TM6SF2: variants seen among roughly 807,000 people sequenced by gnomAD.
The protein encoded by TM6SF2 is transmembrane 6 superfamily member 2.
A neutral mutation model predicts 41.0 loss-of-function variants in TM6SF2; 29 were observed. That is an observed-to-expected ratio of 0.71 (90% CI 0.53 to 0.96). TM6SF2 has a LOEUF of 0.96. TM6SF2 is among the 50% of genes least tolerant of loss of function. The probability of loss-of-function intolerance (pLI) is 0.00; values close to 1 mark genes in which losing one functional copy is unlikely to be tolerated. For synonymous variants in TM6SF2, 200 were observed against 209.1 expected (o/e 0.96, Z 0.37); for missense variants, 475 against 499.0 (o/e 0.95, Z 0.46).
At chr19:19,268,530 G>A (rs1388233437) in intron 6 of TM6SF2, 100 bp downstream of exon 6, 1 of 1,456,750 alleles carries the variant, frequency 6.9e-7, no homozygotes, top group Non-Finnish European at 9.1e-7. Flanking sequence ...TTGTGACAAA[G>A]GAGAACCTTC....
chr19:19,270,374 C>G lies in TM6SF2; in HGVS notation c.268G>C (p.Val90Leu), dbSNP rs377761139. 3.1e-6 allele frequency: 5 copies of G among 1,613,556 alleles called. No individual in the cohort carries two copies. The highest frequency in any genetic ancestry group is 4.2e-6 in the Non-Finnish European group (5 of 1,179,872). ...TTGGTGTAGAACTCCATGAAGCCCA[C>G]CACATAGCTGTCTTCCTGAAGAGCG... ...IIALQEDSYV[V>L]GFMEFYTKEG... is the part of the protein sequence containing the mutation. Residue 90 changes from valine (V) to leucine (L), a missense_variant, in exon 3 of 10, where the codon GTG becomes CTG. Physicochemically the swap from Val to Leu is conservative, Grantham distance 32. Around this residue, in one of 3 missense-constraint regions of TM6SF2, gnomAD observed 238 missense variants for 228.6 expected, o/e 1.04. Transcript: ENST00000389363.
At position 19,271,136 on chromosome 19, in the gene TM6SF2, G is replaced by A. The variant is rs757561160; in HGVS notation, c.96-11C>T. ...GCCACCCACAGGGGGCTGTGGAGAG[G>A]GAAGCCAAGTCAGGGAGGCCAGGCC... On this transcript the variant is annotated splice_polypyrimidine_tract_variant and intron_variant, in intron 1 of 9. Transcript: ENST00000389363. 1.4e-5 allele frequency: 22 copies of A among 1,612,152 alleles called. No homozygotes were observed. In the South Asian group the frequency reaches 2.4e-4, roughly 18 times the overall value.
Position 19,271,050 on chromosome 19 carries a change from G to A in TM6SF2, c.171C>T (p.Gly57=), listed in dbSNP as rs758792305. The change falls in exon 2 of 10, where the codon GGC becomes GGT. Residue 57 remains glycine, a synonymous_variant. Transcript: ENST00000389363. ...LFVAVYSLSH[G]EVSYDPLYAV... The stretch of plus-strand genomic sequence containing the variant: ...CATAGAGTGGGTCATAGGAGACCTC[G>A]CCATGGGACAAGCTGTAGACCGCCA... 19 of 1,614,028 alleles carry A rather than the reference G, an allele frequency of 1.2e-5. No homozygotes were observed. Among genetic ancestry groups the A allele is most frequent in the South Asian group, 2.2e-5 (2 of 91,090 alleles).
At chr19:19,264,942 GC>G in intron 9 of TM6SF2, 69 bp from the exon 10 acceptor site, 3 of 1,253,422 alleles carry the variant, frequency 2.4e-6, no homozygotes, top group Non-Finnish European at 3.2e-6. Context: ...ATCACCGACA[GC>G]CCCCCAGGTA....
chr19:19,270,732 T>G (rs2061020662), intron 2 of TM6SF2, among the ~76,000 whole-genome samples: 1 of 152,188 alleles, frequency 6.6e-6, no homozygotes, highest in Admixed American at 6.5e-5. Flanking sequence ...GCACCGTCCC[T>G]GCCCTCAGGA....
At chr19:19,268,201 C>A in intron 6 of TM6SF2, 114 bp from the exon 7 acceptor site, 21 of 670,376 alleles carry the variant, frequency 3.1e-5, no homozygotes, top group Non-Finnish European at 4.3e-5. Flanking sequence ...TCTTTTTTTT[C>A]TTTTTTCTTT....
chr19:19,268,860 G>A (rs2061012952), intron 5 of TM6SF2, 106 bp from the exon 6 acceptor site: 1 of 1,366,280 alleles, frequency 7.3e-7, no homozygotes, highest in East Asian at 3.1e-5. Context: ...CCAGGCTGGA[G>A]TGCAGTGATG....
At chr19:19,269,588 A>G in intron 5 of TM6SF2, 99 bp downstream of exon 5, 2 of 1,427,344 alleles carry the variant, frequency 1.4e-6, no homozygotes, top group Non-Finnish European at 1.9e-6. Context: ...GCCTCTGCAG[A>G]CATCAGGGAA....
At chr19:19,270,922 C>A (rs1206528577) in intron 2 of TM6SF2, 100 bp downstream of exon 2, 29 of 960,940 alleles carry the variant, frequency 3.0e-5, no homozygotes, top group Non-Finnish European at 4.2e-5. Flanking sequence ...TCTTAAAGGG[C>A]CCCCAGTCTG....
intron 1 of TM6SF2, 60 bp downstream of exon 1, chr19:19,273,061 T>TGGG: frequency 5.6e-5 from 17 of 305,448 alleles, no homozygotes; most frequent in Non-Finnish European, 9.1e-5. Context: ...CCTCCAGTCC[T>TGGG]CCCCGCCCCC....
chr19:19,268,486 G>A, intron 6 of TM6SF2, 144 bp downstream of exon 6: 1 of 1,256,290 alleles, frequency 8.0e-7, no homozygotes, highest in Non-Finnish European at 1.1e-6. Flanking sequence ...GGGATTACAG[G>A]CATGAGCCAC....
intron 1 of TM6SF2, among the ~76,000 whole-genome samples, chr19:19,272,692 GGTGTGTGT>G (rs55690765): frequency 0.034 from 4,635 of 136,770 alleles, 283 homozygotes; most frequent in African/African-American, 0.12. Flanking sequence ...AATGGAGTAG[GGTGTGTGT>G]GTGTGTGTGT....
chr19:19,272,872 C>G (rs2061029374), intron 1 of TM6SF2, among the ~76,000 whole-genome samples: 1 of 152,296 alleles, frequency 6.6e-6, no homozygotes, highest in African/African-American at 2.4e-5. Context: ...TTCCTTCTTC[C>G]CAGGCCACAA....
At chr19:19,264,906 G>C in intron 9 of TM6SF2, 33 bp from the exon 10 acceptor site, 1 of 1,469,850 alleles carries the variant, frequency 6.8e-7, no homozygotes, top group Non-Finnish European at 9.1e-7. Flanking sequence ...GGATGTCAGG[G>C]GCCAGGAAGG....
At chr19:19,268,788 G>A in intron 5 of TM6SF2, 34 bp from the exon 6 acceptor site, 1 of 1,555,958 alleles carries the variant, frequency 6.4e-7, no homozygotes, top group Non-Finnish European at 8.6e-7. Context: ...CATCAGCCAT[G>A]CCAGAACCCT....
chr19:19,264,528 G>T lies in TM6SF2; in HGVS notation c.*136C>A. On this transcript the variant is annotated 3_prime_UTR_variant, in exon 10 of 10. Transcript: ENST00000389363. Reference sequence around the variant, plus strand: ...TCGTTGGTCTCCATCCCACCCACTGGACTGAAACTACCATAGCCAAGACTA... The same window carrying T: ...TCGTTGGTCTCCATCCCACCCACTGTACTGAAACTACCATAGCCAAGACTA... The T allele has an allele frequency of 1.4e-6, 1 of 706,902 alleles. No homozygotes were observed. The highest frequency in any genetic ancestry group is 2.0e-6 in the Non-Finnish European group (1 of 488,078). The allele number at this position is 706,902 out of a possible 1,614,324, so 43.8% of individuals were successfully genotyped here. A position where few individuals can be genotyped will look rare whatever the true frequency, so the allele number is the denominator to read the frequency against.
At chr19:19,267,367 T>TAA (rs764335067) in intron 8 of TM6SF2, among the ~76,000 whole-genome samples, 12 of 116,988 alleles carry the variant, frequency 1.0e-4, no homozygotes, top group African/African-American at 3.0e-4. Context: ...AAACTCTGTT[T>TAA]AAAAAAAAAA....
intron 4 of TM6SF2, 69 bp downstream of exon 4, chr19:19,270,104 C>T (rs755952179): frequency 4.3e-5 from 68 of 1,597,848 alleles, no homozygotes; most frequent in Non-Finnish European, 5.4e-5. Flanking sequence ...CCACCCTGCC[C>T]TGGGACCCCA....
In TM6SF2 at chr19:19,268,677, T is replaced by C. The variant is rs375988924; in HGVS notation, c.562A>G (p.Lys188Glu). 2.5e-5 allele frequency: 39 copies of C among 1,590,636 alleles called. No homozygotes were observed. The African/African-American group carries it at 4.7e-4, about 19-fold the overall frequency. ...AGCGCCCGGGGCTGGCTGAAGACCTTCATGCCAGCCCAGCATGGCACCAGC... is the reference window on the plus strand; with the variant it reads ...AGCGCCCGGGGCTGGCTGAAGACCTCCATGCCAGCCCAGCATGGCACCAGC... Reference protein sequence around the residue: ...YLLVPCWAGMKVFSQPRALTR... With the variant: ...YLLVPCWAGMEVFSQPRALTR... The change falls in exon 6 of 10, where the codon AAG (lysine) becomes GAG (glutamate). Residue 188 changes from lysine to glutamate, a missense_variant. Physicochemically the swap from Lys to Glu is moderately conservative, Grantham distance 56. Around this residue, in one of 3 missense-constraint regions of TM6SF2, gnomAD observed 47 missense variants for 80.3 expected, o/e 0.59. Coordinates refer to ENST00000389363, the MANE Select transcript of TM6SF2 (RefSeq NM_001001524.3).
Sources: gnomAD v4.1 joint callset for allele counts (sites outside exome capture counted in the v4.1 genomes callset) on GRCh38, gnomAD v4.1.1 for gene constraint, gnomAD v4.1.1 regional missense constraint, MANE v1.5 for transcripts, NCBI Gene and HGNC (gene_info 2026-07-23, HGNC 2026-07-21) for gene names.